Variants in NELL1 observed in about 807,000 individuals in gnomAD.
NELL1 encodes neural EGFL like 1, also known as protein kinase C-binding protein NELL1.
In NELL1, 76 loss-of-function variants were observed where a neutral mutation model predicts 107.4. The ratio of observed to expected loss-of-function variants is 0.71; its 90% CI spans 0.59 to 0.86. NELL1 has a LOEUF of 0.86. Among genes scored for constraint, NELL1 ranks in the 40% least tolerant of loss-of-function variants. NELL1 has a pLI of 0.00. For missense variants in NELL1, 1,024 were observed against 1,005.5 expected (o/e 1.02, Z -0.25); for synonymous variants, 353 against 341.2 (o/e 1.03, Z -0.38).
intron 3 of NELL1, among the ~76,000 whole-genome samples, chr11:20,845,361 C>G (rs1848685452): frequency 6.6e-6 from 1 of 152,134 alleles, no homozygotes. Context: ...GAGGCCACAA[C>G]CCCAAGAATA....
intron 2 of NELL1, among the ~76,000 whole-genome samples, chr11:20,696,626 A>G (rs776031535): frequency 6.6e-6 from 1 of 151,698 alleles, no homozygotes; most frequent in South Asian, 2.1e-4. Context: ...TAAGGAGTGG[A>G]CTTATGTTTT....
intron 15 of NELL1, among the ~76,000 whole-genome samples, chr11:21,499,225 A>G (rs774789780): frequency 3.9e-5 from 6 of 152,004 alleles, no homozygotes; most frequent in Admixed American, 6.6e-5. Flanking sequence ...TCTGTAATAC[A>G]TTGTAAAATT....
intron 15 of NELL1, among the ~76,000 whole-genome samples, chr11:21,373,660 G>A (rs1851404589): frequency 6.6e-6 from 1 of 152,038 alleles, no homozygotes; most frequent in Admixed American, 6.6e-5. Context: ...TCCCACTTGT[G>A]TTTGGTATGT....
intron 14 of NELL1, 131 bp downstream of exon 14, chr11:21,229,585 G>GC: frequency 8.0e-7 from 1 of 1,256,104 alleles, no homozygotes; most frequent in Non-Finnish European, 1.1e-6. Flanking sequence ...TTATCAACTG[G>GC]CAAGGGTACT....
chr11:21,268,515 G>A (rs559641253), intron 14 of NELL1, among the ~76,000 whole-genome samples: 1 of 152,086 alleles, frequency 6.6e-6, no homozygotes, highest in Non-Finnish European at 1.5e-5. Flanking sequence ...CCTTCCACAT[G>A]GGGGAAGAAA....
intron 2 of NELL1, among the ~76,000 whole-genome samples, chr11:20,761,512 G>C (rs774525532): frequency 1.3e-5 from 2 of 151,978 alleles, no homozygotes; most frequent in African/African-American, 2.4e-5. Context: ...TCATTTTCTT[G>C]AGGAATGTCA....
intron 4 of NELL1, among the ~76,000 whole-genome samples, chr11:20,862,844 A>C (rs1036144186): frequency 6.6e-6 from 1 of 152,080 alleles, no homozygotes; most frequent in Non-Finnish European, 1.5e-5. Context: ...TGTTCAACAA[A>C]GCACATCTTG....
intron 14 of NELL1, among the ~76,000 whole-genome samples, chr11:21,313,335 A>G (rs1849790780): frequency 6.6e-6 from 1 of 152,114 alleles, no homozygotes; most frequent in Non-Finnish European, 1.5e-5. Context: ...GACCATTGAC[A>G]TGGGATAATT....
At chr11:20,911,349 A>C (rs1277557182) in intron 5 of NELL1, among the ~76,000 whole-genome samples, 1 of 152,194 alleles carries the variant, frequency 6.6e-6, no homozygotes, top group East Asian at 1.9e-4. Context: ...GAGAAATCCT[A>C]CTAAGTTAGT....
At chr11:21,302,444 A>C (rs1849513112) in intron 14 of NELL1, among the ~76,000 whole-genome samples, 1 of 152,048 alleles carries the variant, frequency 6.6e-6, no homozygotes, top group Admixed American at 6.6e-5. Flanking sequence ...GCTCAGCATG[A>C]ATTACATTTG....
chr11:21,191,339 G>A (rs1278356019), intron 13 of NELL1, among the ~76,000 whole-genome samples: 1 of 151,764 alleles, frequency 6.6e-6, no homozygotes, highest in Non-Finnish European at 1.5e-5. Flanking sequence ...TGCTGGCTTT[G>A]AAAAGGCAGA....
At chr11:21,546,206 C>T (rs1856437281) in intron 16 of NELL1, among the ~76,000 whole-genome samples, 1 of 151,990 alleles carries the variant, frequency 6.6e-6, no homozygotes, top group African/African-American at 2.4e-5. Flanking sequence ...GTATTTTCTT[C>T]CTGAAGATTT....
intron 17 of NELL1, among the ~76,000 whole-genome samples, chr11:21,569,097 C>G (rs190777796): frequency 5.3e-5 from 8 of 151,652 alleles, no homozygotes; most frequent in Admixed American, 2.6e-4. Flanking sequence ...TACATAATGG[C>G]TGCGATGTCA....
intron 15 of NELL1, among the ~76,000 whole-genome samples, chr11:21,406,122 G>A (rs1852228868): frequency 6.6e-6 from 1 of 151,908 alleles, no homozygotes; most frequent in Non-Finnish European, 1.5e-5. Flanking sequence ...ATCTTCAACA[G>A]GAGAAGGGAG....
chr11:20,764,605 C>T (rs1251422925), intron 2 of NELL1, among the ~76,000 whole-genome samples: 1 of 144,500 alleles, frequency 6.9e-6, no homozygotes, highest in East Asian at 2.0e-4. Flanking sequence ...GGCCTACACC[C>T]CAGACCTTTT....
chr11:20,732,885 G>C (rs1855679690), intron 2 of NELL1, among the ~76,000 whole-genome samples: 1 of 152,126 alleles, frequency 6.6e-6, no homozygotes, highest in African/African-American at 2.4e-5. Context: ...TTATTGAAAT[G>C]CCAGGTACCA....
At chr11:21,422,152 A>T (rs984799415) in intron 15 of NELL1, among the ~76,000 whole-genome samples, 7 of 143,150 alleles carry the variant, frequency 4.9e-5, no homozygotes, top group African/African-American at 2.1e-4. Context: ...TACACGTGCA[A>T]GAGAGAGAGA....
chr11:21,043,904 T>A (rs1590576965), intron 12 of NELL1, among the ~76,000 whole-genome samples: 1 of 152,122 alleles, frequency 6.6e-6, no homozygotes, highest in Non-Finnish European at 1.5e-5. Context: ...AGATTTCTAT[T>A]TGGACCATGT....
At chr11:20,714,364 C>T (rs551238995) in intron 2 of NELL1, among the ~76,000 whole-genome samples, 205 of 15,482 alleles carry the variant, frequency 0.013, no homozygotes, top group African/African-American at 0.016. Context: ...CCACCACGCC[C>T]GGCATTTTTT....
Sources: gnomAD v4.1 joint callset for allele counts (sites outside exome capture counted in the v4.1 genomes callset) on GRCh38, gnomAD v4.1.1 for gene constraint, MANE v1.5 for transcripts, NCBI Gene and HGNC (gene_info 2026-07-23, HGNC 2026-07-21) for gene names.